CNOT1: variants seen among roughly 807,000 people sequenced by gnomAD.
CNOT1 encodes the protein CCR4-NOT transcription complex subunit 1.
A neutral mutation model predicts 273.8 loss-of-function variants in CNOT1; 15 were observed. The observed-to-expected ratio is 0.05, with a 90% confidence interval of 0.04 to 0.08. The LOEUF (loss-of-function observed/expected upper bound fraction) is 0.08. Ranked by LOEUF, CNOT1 falls within the 10% of genes least tolerant of loss-of-function variation. CNOT1 has a pLI of 1.00. For synonymous variants in CNOT1, 1,022 were observed against 1,005.5 expected (o/e 1.02, Z -0.31); for missense variants, 1,644 against 2,912.2 (o/e 0.56, Z 10.02).
chr16:58,527,947 C>T (rs1209115890), intron 44 of CNOT1: 2 of 268,670 alleles, frequency 7.4e-6, no homozygotes, highest in Non-Finnish European at 1.5e-5. Flanking sequence ...GAAACCCCAT[C>T]TCCACTAAAC....
intron 8 of CNOT1, 28 bp downstream of exon 8, chr16:58,585,310 C>G (rs374481463): frequency 2.3e-5 from 37 of 1,611,166 alleles, no homozygotes; most frequent in Non-Finnish European, 2.9e-5. Context: ...CAAGAATAAT[C>G]AGAAGCTTAA....
chr16:58,530,173 G>A (rs2039734692), intron 43 of CNOT1, 73 bp downstream of exon 43: 5 of 1,205,538 alleles, frequency 4.1e-6, no homozygotes, highest in South Asian at 1.5e-5. Context: ...AACAAAATAA[G>A]GCCTCAGATT....
chr16:58,528,532 G>C lies in CNOT1; in HGVS notation c.6396C>G (p.Ile2132Met), dbSNP rs144171074. ...PPNCIQLRNL[I>M]LSAFPRNMRL... is the part of the protein sequence containing the mutation. ...TCATGTTTCTTGGAAAGGCACTCAGGATCAAATTTCTTAACTGGATACAAT... is the reference window on the plus strand; with the variant it reads ...TCATGTTTCTTGGAAAGGCACTCAGCATCAAATTTCTTAACTGGATACAAT... The change falls in exon 44 of 49, where the codon ATC (isoleucine) becomes ATG (methionine). Residue 2132 changes from isoleucine (I) to methionine (M), a missense_variant. Around this residue, in one of 13 missense-constraint regions of CNOT1, gnomAD observed 140 missense variants for 324.6 expected, o/e 0.43. Transcript: ENST00000317147. 3.1e-6 allele frequency: 5 copies of C among 1,613,458 alleles called. No homozygotes were observed. Among genetic ancestry groups the C allele is most frequent in the African/African-American group, 1.3e-5 (1 of 74,856 alleles).
At chr16:58,546,245 G>A (rs557698880) in intron 29 of CNOT1, 76 bp downstream of exon 29, 6 of 1,254,592 alleles carry the variant, frequency 4.8e-6, no homozygotes, top group African/African-American at 1.5e-5. Flanking sequence ...TATAGTTTGC[G>A]ATATACATGG....
intron 1 of CNOT1, among the ~76,000 whole-genome samples, chr16:58,610,193 G>C (rs1166052800): frequency 1.3e-5 from 2 of 152,238 alleles, no homozygotes; most frequent in African/African-American, 4.8e-5. Flanking sequence ...CGAGGTGGGT[G>C]AATCACTTGA....
chr16:58,622,320 T>C (rs1332610689), intron 1 of CNOT1, among the ~76,000 whole-genome samples: 1 of 84,290 alleles, frequency 1.2e-5, no homozygotes, highest in Non-Finnish European at 2.0e-5. Flanking sequence ...TCTCAAAAAA[T>C]GTACCACTCT....
intron 44 of CNOT1, chr16:58,527,773 A>G: frequency 5.6e-6 from 1 of 180,084 alleles, no homozygotes; most frequent in Non-Finnish European, 1.2e-5. Context: ...CAAGAATAGC[A>G]AGGGACCAAG....
At chr16:58,573,277 G>A (rs1404359205) in intron 16 of CNOT1, among the ~76,000 whole-genome samples, 1 of 150,670 alleles carries the variant, frequency 6.6e-6, no homozygotes, top group Admixed American at 6.6e-5. Flanking sequence ...ATGCACTCCA[G>A]CCTGGGCAAC....
chr16:58,599,142 C>A (rs1597562245), intron 2 of CNOT1, 94 bp downstream of exon 2: 1 of 1,527,778 alleles, frequency 6.5e-7, no homozygotes, highest in East Asian at 2.3e-5. Flanking sequence ...AAGTTAGTTA[C>A]CTTTCATGCA....
chr16:58,613,743 TC>T lies in CNOT1; in HGVS notation c.-174-14233del, dbSNP rs1370500251. Among the ~76,000 whole-genome samples the T allele has an allele frequency of 2.4e-5, 3 of 124,928 alleles. 1 individual carries two copies. The highest frequency in any genetic ancestry group is 8.1e-5 in the African/African-American group (3 of 37,168). 82.0% of individuals were successfully genotyped at this position (124,928 alleles called of 152,430 possible). On this transcript the variant is annotated intron_variant, in intron 1 of 48. Transcript: ENST00000317147. The stretch of plus-strand genomic sequence containing the variant: ...ATACAAAGTATCTAATAAGAATAAC[TC>T]TTTTGAAAAGTTACATAAAATAGTT...
chr16:58,543,303 G>T, intron 31 of CNOT1: 1 of 1,547,352 alleles, frequency 6.5e-7, no homozygotes. Context: ...CTGGTTAACA[G>T]AAATGAGATT....
Position 58,583,198 on chromosome 16 carries a change from A to G in CNOT1, c.807-16T>C. The G allele has an allele frequency of 6.2e-7, 1 of 1,611,094 alleles. No homozygotes were observed. Among genetic ancestry groups the G allele is most frequent in the Non-Finnish European group, 8.5e-7 (1 of 1,178,442 alleles). ...TTCTTCAATACTGAAACAGAAATAT[A>G]ACTTCAGAAAAATGCTACCAGCCTC... On this transcript the variant is annotated splice_polypyrimidine_tract_variant and intron_variant, in intron 8 of 48. Transcript: ENST00000317147.
Position 58,539,968 on chromosome 16 carries a change from C to T in CNOT1, c.4801-9G>A. 10 of 1,595,092 alleles carry T rather than the reference C, an allele frequency of 6.3e-6. No homozygotes were observed. Among genetic ancestry groups the T allele is most frequent in the Non-Finnish European group, 7.7e-6 (9 of 1,169,428 alleles). Reference sequence around the variant, plus strand: ...TCTGTTGCCCAAGCTTGCTGTTTTACAGAAGGAAACAACCAACAAGAGACA... The same window carrying T: ...TCTGTTGCCCAAGCTTGCTGTTTTATAGAAGGAAACAACCAACAAGAGACA... On this transcript the variant is annotated splice_polypyrimidine_tract_variant and intron_variant, in intron 34 of 48. Transcript: ENST00000317147.
chr16:58,555,218 A>T (rs768777742), intron 21 of CNOT1, 33 bp downstream of exon 21: 1 of 1,607,952 alleles, frequency 6.2e-7, no homozygotes, highest in Admixed American at 1.7e-5. Context: ...GGGGTCAGGG[A>T]AGAGATCCTT....
At chr16:58,607,346 T>G (rs1220007143) in intron 1 of CNOT1, among the ~76,000 whole-genome samples, 1 of 152,186 alleles carries the variant, frequency 6.6e-6, no homozygotes, top group Non-Finnish European at 1.5e-5. Context: ...TTTAAGCACT[T>G]GTATATATAC....
At chr16:58,543,327 T>C (rs1405043834) in intron 31 of CNOT1, 1 of 1,548,966 alleles carries the variant, frequency 6.5e-7, no homozygotes, top group Non-Finnish European at 8.7e-7. Flanking sequence ...AGATATCACA[T>C]TTCCTTTTTA....
At chr16:58,521,410 A>C in intron 47 of CNOT1, 93 bp from the exon 48 acceptor site, 1 of 1,293,410 alleles carries the variant, frequency 7.7e-7, no homozygotes. Flanking sequence ...CTCCCTGACT[A>C]TTGAACCACA....
At chr16:58,603,408 AGTGTGTGTGTGT>A (rs200088613) in intron 1 of CNOT1, among the ~76,000 whole-genome samples, 2,034 of 96,694 alleles carry the variant, frequency 0.021, 50 homozygotes, top group African/African-American at 0.06. Context: ...ACAATTTAAA[AGTGTGTGTGTGT>A]GTGTGTGTGT....
chr16:58,555,133 G>T, intron 21 of CNOT1, 118 bp downstream of exon 21: 3 of 1,425,102 alleles, frequency 2.1e-6, no homozygotes, highest in East Asian at 4.7e-5. Flanking sequence ...ACTTGAGCCC[G>T]CAAGGTCAAG....
Sources: gnomAD v4.1 joint callset for allele counts (sites outside exome capture counted in the v4.1 genomes callset) on GRCh38, gnomAD v4.1.1 for gene constraint, gnomAD v4.1.1 regional missense constraint, MANE v1.5 for transcripts, NCBI Gene and HGNC (gene_info 2026-07-23, HGNC 2026-07-21) for gene names.